The following ASAP1 variants were observed in gnomAD, a reference collection of about 807,000 sequenced individuals.
ASAP1 encodes ArfGAP with SH3 domain, ankyrin repeat and PH domain 1, also known as arf-GAP with SH3 domain, ANK repeat and PH domain-containing protein 1.
A neutral mutation model predicts 145.2 loss-of-function variants in ASAP1; 43 were observed. The observed-to-expected ratio is 0.30, with a 90% CI of 0.23 to 0.38. The LOEUF is 0.38. ASAP1 is among the 10% of genes least tolerant of loss of function. The probability of loss-of-function intolerance (pLI) is 1.00; values close to 1 mark genes in which losing one functional copy is unlikely to be tolerated. For synonymous variants in ASAP1, 546 were observed against 515.5 expected, an observed-to-expected ratio of 1.06 and a Z score of -0.80; for missense variants, 1,018 against 1,355.3, an observed-to-expected ratio of 0.75 and a Z score of 3.91.
intron 1 of ASAP1, among the ~76,000 whole-genome samples, chr8:130,428,687 A>C (rs202126408): frequency 6.9e-6 from 1 of 145,064 alleles, no homozygotes; most frequent in African/African-American, 2.6e-5. Flanking sequence ...TCACCATCAG[A>C]ACTACCACCA....
At chr8:130,242,054 A>G (rs1818559176) in intron 3 of ASAP1, among the ~76,000 whole-genome samples, 1 of 151,972 alleles carries the variant, frequency 6.6e-6, no homozygotes, top group Non-Finnish European at 1.5e-5. Context: ...GTAGCAGGGA[A>G]TTATACCTAC....
chr8:130,319,694 G>C (rs1823882652), intron 3 of ASAP1, among the ~76,000 whole-genome samples: 2 of 152,300 alleles, frequency 1.3e-5, no homozygotes, highest in South Asian at 4.1e-4. Flanking sequence ...AAGATGAACA[G>C]AGCAACGCAC....
At chr8:130,072,824 T>TGTGTGTGTGTGTGTGTGTGCGCGCGCGC in intron 27 of ASAP1, among the ~76,000 whole-genome samples, 31 of 32,294 alleles carry the variant, frequency 9.6e-4, no homozygotes, top group South Asian at 3.4e-3. Context: ...TGTGTGTGTG[T>TGTGTGTGTGTGTGTGTGTGCGCGCGCGC]GCGCGCGGGG....
chr8:130,431,418 C>G (rs369620806), intron 1 of ASAP1, among the ~76,000 whole-genome samples: 1 of 152,206 alleles, frequency 6.6e-6, no homozygotes, highest in African/African-American at 2.4e-5. Context: ...CTACCTCAAA[C>G]GTTAGGTTCC....
intron 5 of ASAP1, among the ~76,000 whole-genome samples, chr8:130,199,423 G>T (rs1277208558): frequency 6.6e-6 from 1 of 152,190 alleles, no homozygotes; most frequent in Admixed American, 6.6e-5. Context: ...ACCAGAATGG[G>T]GGAAGGGGCT....
intron 24 of ASAP1, 52 bp downstream of exon 24, chr8:130,112,042 G>T: frequency 6.6e-7 from 1 of 1,511,198 alleles, no homozygotes; most frequent in South Asian, 1.1e-5. Flanking sequence ...TCTGAGGATG[G>T]AGTCACAAGC....
At chr8:130,361,886 C>G in intron 2 of ASAP1, 2 of 733,534 alleles carry the variant, frequency 2.7e-6, no homozygotes, top group South Asian at 3.0e-5. Context: ...TGCGCACACA[C>G]ATATTTGTGT....
At chr8:130,087,922 G>C (rs2097497251) in intron 25 of ASAP1, among the ~76,000 whole-genome samples, 1 of 152,108 alleles carries the variant, frequency 6.6e-6, no homozygotes, top group African/African-American at 2.4e-5. Flanking sequence ...GGCCAAGACA[G>C]GGGTTTGAGA....
chr8:130,368,611 G>A (rs1364995151), intron 2 of ASAP1, among the ~76,000 whole-genome samples: 1 of 152,192 alleles, frequency 6.6e-6, no homozygotes, highest in Non-Finnish European at 1.5e-5. Context: ...CTCAAGCATG[G>A]CCAACCAGAA....
chr8:130,415,913 G>A (rs1829457876), intron 1 of ASAP1, among the ~76,000 whole-genome samples: 2 of 152,030 alleles, frequency 1.3e-5, no homozygotes, highest in Admixed American at 1.3e-4. Context: ...CACTGTTCCA[G>A]TCCTCAAACA....
At chr8:130,381,589 C>T (rs1240152004) in intron 2 of ASAP1, among the ~76,000 whole-genome samples, 1 of 152,106 alleles carries the variant, frequency 6.6e-6, no homozygotes, top group Non-Finnish European at 1.5e-5. Context: ...GACAGGATGA[C>T]GCCTGGCTTG....
intron 3 of ASAP1, among the ~76,000 whole-genome samples, chr8:130,321,035 CT>C (rs1289740939): frequency 1.3e-5 from 2 of 152,158 alleles, no homozygotes; most frequent in African/African-American, 4.8e-5. Flanking sequence ...AGAATGCTGG[CT>C]GAGGAAACCT....
At chr8:130,385,620 G>A (rs1451799958) in intron 2 of ASAP1, among the ~76,000 whole-genome samples, 1 of 152,230 alleles carries the variant, frequency 6.6e-6, no homozygotes, top group Non-Finnish European at 1.5e-5. Flanking sequence ...CTCTCAGAGG[G>A]AAGTGATTGG....
chr8:130,310,178 A>C (rs1823256221), intron 3 of ASAP1, among the ~76,000 whole-genome samples: 1 of 151,612 alleles, frequency 6.6e-6, no homozygotes. Context: ...GGAGATAAAG[A>C]TAGAGGGATT....
At chr8:130,182,831 C>CAAAAAAAAAAA (rs35195899) in intron 7 of ASAP1, among the ~76,000 whole-genome samples, 1 of 73,584 alleles carries the variant, frequency 1.4e-5, no homozygotes, top group African/African-American at 5.9e-5. Context: ...TATAAAAAGG[C>CAAAAAAAAAAA]AAAAAAAAAA....
chr8:130,062,833 G>A (rs2097422378), intron 27 of ASAP1, among the ~76,000 whole-genome samples: 1 of 152,106 alleles, frequency 6.6e-6, no homozygotes, highest in Admixed American at 6.6e-5. Context: ...AATTAGCCAG[G>A]TGTGGTGGTA....
At chr8:130,058,120 T>C in intron 28 of ASAP1, 44 bp from the exon 29 acceptor site, 6 of 1,600,010 alleles carry the variant, frequency 3.7e-6, no homozygotes, top group Non-Finnish European at 5.1e-6. Context: ...ATGGACTGAA[T>C]GGAAAAAAAG....
Position 130,358,713 on chromosome 8 carries a change from TCCCCGCCCGCG to T in ASAP1, c.60-581_60-571del, listed in dbSNP as rs1249716135. ...CCCCCAGCCCCGCCCCCCCGGTCCC[TCCCCGCCCGCG>T]CCCCGCCCCCGGCCCGGCCCCCGCC... On this transcript the variant is annotated intron_variant, in intron 2 of 29. Coordinates refer to ENST00000518721, the MANE Select transcript of ASAP1 (RefSeq NM_018482.4). The surrounding 1 kb of genome is among the most constrained non-coding windows in gnomAD (Gnocchi z 4.1). 5.2e-4 allele frequency among the ~76,000 whole-genome samples: 4 copies of T among 7,638 alleles called. No homozygotes were observed. Among genetic ancestry groups the T allele is most frequent in the African/African-American group, 1.6e-3 (3 of 1,866 alleles). The allele number at this position is 7,638 out of a possible 152,430, so 5.0% of individuals were successfully genotyped here. A position where few individuals can be genotyped will look rare whatever the true frequency, so the allele number is the denominator to read the frequency against.
intron 5 of ASAP1, among the ~76,000 whole-genome samples, chr8:130,211,462 G>T (rs1053263822): frequency 6.6e-6 from 1 of 152,198 alleles, no homozygotes; most frequent in Non-Finnish European, 1.5e-5. Flanking sequence ...AATGATGGTT[G>T]AGATAGTTAC....
Sources: gnomAD v4.1 joint callset for allele counts (sites outside exome capture counted in the v4.1 genomes callset) on GRCh38, gnomAD v4.1.1 for gene constraint, Gnocchi (gnomAD v3.1) non-coding constraint, MANE v1.5 for transcripts, NCBI Gene and HGNC (gene_info 2026-07-23, HGNC 2026-07-21) for gene names.